Variants in ARL13B observed in about 807,000 individuals in gnomAD.
ARL13B encodes ADP-ribosylation factor-like protein 13B.
Under a neutral mutation model 56.1 loss-of-function variants are expected in ARL13B, and 36 were observed. That is an observed-to-expected ratio of 0.64 (90% CI 0.49 to 0.85). ARL13B has a LOEUF of 0.85. Among genes scored for constraint, ARL13B ranks in the 40% least tolerant of loss-of-function variants. The pLI, the probability that ARL13B is intolerant of heterozygous loss-of-function variation, is 0.00. For synonymous variants in ARL13B, 178 were observed against 171.1 expected (o/e 1.04, Z -0.32); for missense variants, 519 against 507.1 (o/e 1.02, Z -0.23).
chr3:94,034,235 A>C (rs2076728001), intron 3 of ARL13B, among the ~76,000 whole-genome samples: 1 of 152,134 alleles, frequency 6.6e-6, no homozygotes, highest in Non-Finnish European at 1.5e-5. Context: ...AAATACAAAA[A>C]AAAAGAAGGT....
chr3:94,051,482 G>C (rs1460023080), intron 9 of ARL13B, among the ~76,000 whole-genome samples: 1 of 152,114 alleles, frequency 6.6e-6, no homozygotes, highest in Non-Finnish European at 1.5e-5. Context: ...AGTCTAGATA[G>C]TTTATGGCAT....
intron 3 of ARL13B, among the ~76,000 whole-genome samples, chr3:94,017,707 G>A (rs760344517): frequency 4.6e-5 from 7 of 152,166 alleles, no homozygotes; most frequent in Non-Finnish European, 1.0e-4. Flanking sequence ...ACAATAATCA[G>A]GCAGGGTCTC....
In ARL13B at chr3:94,053,495, A is replaced by G. The variant is rs1321079972; in HGVS notation, c.*232A>G. On this transcript the variant is annotated 3_prime_UTR_variant, in exon 10 of 10. Coordinates refer to ENST00000394222, the MANE Select transcript of ARL13B (RefSeq NM_001174150.2). ...AGTACATGAAATCAGCATTTGGACC[A>G]AATTAGCAAGATTTACTGTTGACTC... is the stretch of plus-strand genomic sequence containing the variant. 3 of 642,294 alleles carry G rather than the reference A, an allele frequency of 4.7e-6. No homozygotes were observed. Among genetic ancestry groups the G allele is most frequent in the Non-Finnish European group, 8.6e-6 (3 of 348,824 alleles). The allele number at this position is 642,294 out of a possible 1,614,324, so 39.8% of individuals were successfully genotyped here. A position where few individuals can be genotyped will look rare whatever the true frequency, so the allele number is the denominator to read the frequency against.
At chr3:93,980,760 T>G (rs1710175221) in intron 1 of ARL13B, among the ~76,000 whole-genome samples, 1 of 150,160 alleles carries the variant, frequency 6.7e-6, no homozygotes, top group South Asian at 2.1e-4. Context: ...TGTGTGTGTG[T>G]GGAATTGAAA....
intron 3 of ARL13B, among the ~76,000 whole-genome samples, chr3:94,006,352 A>G (rs1226018360): frequency 6.6e-6 from 1 of 152,112 alleles, no homozygotes; most frequent in Non-Finnish European, 1.5e-5. Context: ...GTTTATAAAC[A>G]CCTCTTGAAT....
At chr3:94,026,242 C>T (rs1576006997) in intron 3 of ARL13B, among the ~76,000 whole-genome samples, 2 of 152,044 alleles carry the variant, frequency 1.3e-5, no homozygotes, top group African/African-American at 2.4e-5. Flanking sequence ...GAGAAAACTT[C>T]GCTTTTTTAC....
intron 3 of ARL13B, among the ~76,000 whole-genome samples, chr3:94,016,132 GACAT>G (rs750279614): frequency 1.4e-4 from 22 of 151,774 alleles, no homozygotes; most frequent in South Asian, 2.1e-4. Flanking sequence ...TATATGAAAT[GACAT>G]ACATACATAT....
chr3:93,995,870 T>A lies in ARL13B; in HGVS notation c.60-4T>A. On this transcript the variant is annotated splice_region_variant and splice_polypyrimidine_tract_variant and intron_variant, in intron 1 of 9. Transcript: ENST00000394222. Reference sequence around the variant, plus strand: ...AGTGATTTTTAAATTTCTATTATTTTAAGAAAGGTGACTCTTTTGATGGTG... The same window carrying A: ...AGTGATTTTTAAATTTCTATTATTTAAAGAAAGGTGACTCTTTTGATGGTG... 6.2e-7 allele frequency: 1 copy of A among 1,608,396 alleles called. No homozygotes were observed. Among genetic ancestry groups the A allele is most frequent in the Non-Finnish European group, 8.5e-7 (1 of 1,176,560 alleles).
chr3:94,038,615 C>T (rs1429412763), intron 5 of ARL13B, among the ~76,000 whole-genome samples: 2 of 150,296 alleles, frequency 1.3e-5, no homozygotes, highest in Non-Finnish European at 3.0e-5. Flanking sequence ...CCTCCGTCTC[C>T]CAGGTTCAAG....
chr3:94,013,055 T>A (rs1441418930), intron 3 of ARL13B, among the ~76,000 whole-genome samples: 1 of 152,172 alleles, frequency 6.6e-6, no homozygotes, highest in Non-Finnish European at 1.5e-5. Context: ...ATCTCACTGC[T>A]CTTTTCTGAC....
chr3:93,991,270 C>T (rs1204729917), intron 1 of ARL13B, among the ~76,000 whole-genome samples: 1 of 152,136 alleles, frequency 6.6e-6, no homozygotes, highest in Non-Finnish European at 1.5e-5. Context: ...AATCATCAAA[C>T]TAAAAGATAT....
At chr3:94,008,207 A>C (rs1184958610) in intron 3 of ARL13B, among the ~76,000 whole-genome samples, 3 of 152,212 alleles carry the variant, frequency 2.0e-5, no homozygotes, top group Non-Finnish European at 4.4e-5. Context: ...GTTAATCTAC[A>C]AAGTCCTTTT....
chr3:94,048,585 CTTAT>C (rs764455792), intron 7 of ARL13B, among the ~76,000 whole-genome samples: 28 of 151,722 alleles, frequency 1.8e-4, no homozygotes, highest in South Asian at 1.7e-3. Context: ...TGTTTATTTA[CTTAT>C]TTATTTGATT....
At position 94,036,773 on chromosome 3, in the gene ARL13B, T is replaced by C. The variant is rs376881421; in HGVS notation, c.689+19T>C. 1.4e-4 allele frequency: 229 copies of C among 1,597,236 alleles called. 1 individual carries two copies. In the African/African-American group the frequency reaches 2.9e-3, roughly 20 times the overall value. On this transcript the variant is annotated intron_variant, in intron 5 of 9. Coordinates refer to ENST00000394222, the MANE Select transcript of ARL13B (RefSeq NM_001174150.2). ...AAGAAAGGTAAGTAGATTAATTTTG[T>C]ACCACAGTGCATTTGAAGGATCAAA...
intron 4 of ARL13B, among the ~76,000 whole-genome samples, chr3:94,035,992 G>C (rs1240087953): frequency 6.6e-6 from 1 of 152,024 alleles, no homozygotes; most frequent in African/African-American, 2.4e-5. Context: ...AAGACCACTG[G>C]ACCCTGGGAG....
intron 3 of ARL13B, among the ~76,000 whole-genome samples, chr3:94,007,657 G>A (rs1476076993): frequency 2.0e-5 from 3 of 152,054 alleles, no homozygotes; most frequent in African/African-American, 7.2e-5. Context: ...GGGGGAAACT[G>A]CCCCCATGAT....
rs2077093409 is a variant in ARL13B, at chr3:94,053,183, T to G, written c.1211-4T>G. 1 of 1,610,314 alleles carries G rather than the reference T, an allele frequency of 6.2e-7. No individual in the cohort carries two copies. Among genetic ancestry groups the G allele is most frequent in the East Asian group, 2.2e-5 (1 of 44,874 alleles). ...TGTGCATTTGGTTTTCTTTCTTTTC[T>G]TAGATTTCTATAGGAAGCCACTGCC... On this transcript the variant is annotated splice_polypyrimidine_tract_variant and splice_region_variant and intron_variant, in intron 9 of 9. Transcript: ENST00000394222.
chr3:94,026,162 G>C (rs1048551498), intron 3 of ARL13B, among the ~76,000 whole-genome samples: 6 of 152,092 alleles, frequency 3.9e-5, no homozygotes, highest in Non-Finnish European at 8.8e-5. Context: ...TGGGACTACA[G>C]GCGCCCGCCA....
At chr3:94,047,969 A>G (rs1456858467) in intron 7 of ARL13B, 1 of 151,950 alleles carries the variant, frequency 6.6e-6, no homozygotes, top group Non-Finnish European at 1.5e-5. Context: ...TATGTTACAG[A>G]TAATTCCCAT....
Sources: allele counts gnomAD v4.1 joint callset (sites outside exome capture counted in the v4.1 genomes callset), GRCh38; gene constraint gnomAD v4.1.1; transcripts MANE v1.5; gene names NCBI Gene and HGNC (gene_info 2026-07-23, HGNC 2026-07-21).